SLC22A31: variants seen among roughly 807,000 people sequenced by gnomAD.
The protein encoded by SLC22A31 is putative solute carrier family 22 member 31.
SLC22A31 carries 42 observed loss-of-function variants against 27.4 expected under a neutral mutation model. That is an observed-to-expected ratio of 1.53 (90% CI 1.20 to 1.98). The LOEUF is 1.98. Among genes scored for constraint, SLC22A31 ranks in the 30% most tolerant of loss-of-function variants. The pLI, the probability that SLC22A31 is intolerant of heterozygous loss-of-function variation, is 0.00. For missense variants in SLC22A31, 593 were observed against 479.9 expected (o/e 1.24, Z -2.20); for synonymous variants, 290 against 230.8 (o/e 1.26, Z -2.33).
intron 5 of SLC22A31, 27 bp from the exon 6 acceptor site, chr16:89,198,577 G>T (rs528701444): frequency 8.6e-6 from 13 of 1,514,030 alleles, no homozygotes; most frequent in East Asian, 2.5e-5. Context: ...GTGAGGGGAG[G>T]GGGGTGAGGA....
chr16:89,199,934 G>A, intron 1 of SLC22A31, 118 bp from the exon 2 acceptor site: 1 of 399,626 alleles, frequency 2.5e-6, no homozygotes. Context: ...ATCCCTCCGT[G>A]GAGAGAAGGG....
chr16:89,200,409 G>A (rs890909625), intron 1 of SLC22A31, 69 bp downstream of exon 1: 12 of 152,784 alleles, frequency 7.9e-5, no homozygotes, highest in Non-Finnish European at 1.5e-4. Flanking sequence ...CGGTTCCTGG[G>A]TCTTCTTGGC....
intron 1 of SLC22A31, 115 bp from the exon 2 acceptor site, chr16:89,199,931 C>T (rs893897056): frequency 7.5e-6 from 3 of 399,752 alleles, no homozygotes; most frequent in Admixed American, 4.4e-5. Flanking sequence ...TCAATCCCTC[C>T]GTGGAGAGAA....
chr16:89,198,513 C>G lies in SLC22A31; in HGVS notation c.636G>C (p.Arg212=). The change falls in exon 6 of 9, where the codon CGG becomes CGC. Residue 212 remains arginine (R), a synonymous_variant. Coordinates refer to ENST00000682282, the MANE Select transcript of SLC22A31 (RefSeq NM_001384763.1). ...TMLSARSPQP[R]YHSPLGLLRT... ...GCAGAAGCCCCAGTGGGGAGTGGTA[C>G]CGGGGCTGGGGGCTCCGTGCAGACA... 5.9e-6 allele frequency: 9 copies of G among 1,513,334 alleles called. No homozygotes were observed. The highest frequency in any genetic ancestry group is 7.1e-6 in the Non-Finnish European group (8 of 1,133,810). The allele number at this position is 1,513,334 out of a possible 1,614,324, so 93.7% of individuals were successfully genotyped here.
rs12926888 is a variant in SLC22A31 at position 89,199,058 on chromosome 16, A to G, written c.417T>C (p.Gly139=). ...VQDWRLLQGL[G]ALMSGLLLLF... ...GCAGCAAGAGTCCACTCATCAGGGC[A>G]CCCAGCCCCTGCAGAAGACGCCAGT... Residue 139 remains glycine (G), a synonymous_variant, in exon 4 of 9, where the codon GGT becomes GGC. Transcript: ENST00000682282. The G allele has an allele frequency of 0.38, 576,069 of 1,535,232 alleles. 113,946 individuals carry two copies. The highest frequency in any genetic ancestry group is 0.82 in the East Asian group (33,477 of 40,862).
At chr16:89,196,366 ACCAGGCCCAGCCCGGCCCCC>A in intron 8 of SLC22A31, 61 bp from the exon 9 acceptor site, 1 of 1,001,916 alleles carries the variant, frequency 1.0e-6, no homozygotes, top group Non-Finnish European at 1.3e-6. Context: ...GGCCCCCAGC[ACCAGGCCCAGCCCGGCCCCC>A]CTGTGGGACA....
At position 89,195,764 on chromosome 16, in the gene SLC22A31, C is replaced by T. The variant is rs547233008; in HGVS notation, c.*235G>A. The T allele has an allele frequency of 3.7e-4, 172 of 460,594 alleles. No individual in the cohort carries two copies. The highest frequency in any genetic ancestry group is 1.4e-4 in the Non-Finnish European group (38 of 265,574). 28.5% of individuals were successfully genotyped at this position (460,594 alleles called of 1,614,324 possible). ...AAGAACCAGGGAGGACGCCAAGTTC[C>T]ACAGAAGCCTTTATCCTCCACACCT... On this transcript the variant is annotated 3_prime_UTR_variant, in exon 9 of 9. Transcript: ENST00000682282.
At chr16:89,196,338 C>A (rs1221179888) in intron 8 of SLC22A31, 33 bp from the exon 9 acceptor site, 6 of 923,364 alleles carry the variant, frequency 6.5e-6, no homozygotes, top group Non-Finnish European at 8.7e-6. Context: ...GGCAGCCAGC[C>A]TCCTGGCCCA....
upstream of SLC22A31, chr16:89,201,629 G>T (rs999125879): frequency 3.8e-5 from 15 of 397,956 alleles, no homozygotes; most frequent in Non-Finnish European, 5.8e-5. Flanking sequence ...GGCCAAAGCC[G>T]CCCGCAGCTC....
rs976180185 is a variant in SLC22A31 at position 89,197,985 on chromosome 16, C to T, written c.922+137G>A. 3.1e-5 allele frequency: 29 copies of T among 932,598 alleles called. No homozygotes were observed. In the Admixed American group the frequency reaches 7.9e-4, roughly 25 times the overall value. The allele number at this position is 932,598 out of a possible 1,614,324, so 57.8% of individuals were successfully genotyped here. ...ATCCTTTTGGGCCTTCCACAAGGAT[C>T]AGAGGAAAACAAACAGCAGCTGGCC... On this transcript the variant is annotated intron_variant, in intron 7 of 8. Transcript: ENST00000682282.
upstream of SLC22A31, among the ~76,000 whole-genome samples, chr16:89,200,929 G>A (rs1290127093): frequency 1.3e-5 from 2 of 152,216 alleles, no homozygotes; most frequent in Admixed American, 1.3e-4. Context: ...CCAAAGCCAC[G>A]GTCTGCTGAA....
Position 89,196,279 on chromosome 16 carries a change from C to A in SLC22A31, c.1061G>T (p.Gly354Val), listed in dbSNP as rs975792229. ...GGCTGCCTGGCCCAGGAACCCGGCC[C>A]CCAGCACCAGGCCCAGCCCGGCCCC... ...IRGAGLGLVL[G>V]AGFLGQAAGP... is the part of the protein sequence containing the mutation. The change falls in exon 9 of 9, where the codon GGG becomes GTG. Residue 354 changes from glycine to valine, a missense_variant. Transcript: ENST00000682282. 4.6e-6 allele frequency: 7 copies of A among 1,528,794 alleles called. No homozygotes were observed. Among genetic ancestry groups the A allele is most frequent in the Admixed American group, 2.0e-5 (1 of 50,548 alleles). 94.7% of individuals were successfully genotyped at this position (1,528,794 alleles called of 1,614,324 possible). A position where few individuals can be genotyped will look rare whatever the true frequency, so the allele number is the denominator to read the frequency against.
In SLC22A31 at chr16:89,195,913, G is replaced by T; in HGVS notation, c.*86C>A. On this transcript the variant is annotated 3_prime_UTR_variant, in exon 9 of 9. Coordinates refer to ENST00000682282, the MANE Select transcript of SLC22A31 (RefSeq NM_001384763.1). Reference sequence around the variant, plus strand: ...ACGGGCTTCTGAGAGGAATGTGTCTGCCCTGGACCAGACGTCTGGGGTACT... The same window carrying T: ...ACGGGCTTCTGAGAGGAATGTGTCTTCCCTGGACCAGACGTCTGGGGTACT... 3 of 1,371,336 alleles carry T rather than the reference G, an allele frequency of 2.2e-6. No homozygotes were observed. The highest frequency in any genetic ancestry group is 2.5e-5 in the East Asian group (1 of 39,260). 84.9% of individuals were successfully genotyped at this position (1,371,336 alleles called of 1,614,324 possible). A position where few individuals can be genotyped will look rare whatever the true frequency, so the allele number is the denominator to read the frequency against.
rs187423875 is a variant in SLC22A31 at position 89,196,986 on chromosome 16, G to A, written c.1034+312C>T. 5.0e-3 allele frequency among the ~76,000 whole-genome samples: 754 copies of A among 151,410 alleles called. 8 individuals are homozygous for A. The highest frequency in any genetic ancestry group is 0.012 in the Admixed American group (181 of 15,206). On this transcript the variant is annotated intron_variant, in intron 8 of 8. Transcript: ENST00000682282. ...AAGAAGAAGAAGATCGAAAAGTGAT[G>A]CTTTCCCCGAGAATTCTGCCATTTC...
chr16:89,198,813 G>C lies in SLC22A31; in HGVS notation c.453-16C>G. ...GGCCGGGAACCTGCAGCGTTGGTGA[G>C]GATGCCCACGGCTCCCTCCACCTCC... On this transcript the variant is annotated splice_polypyrimidine_tract_variant and intron_variant, in intron 4 of 8. Coordinates refer to ENST00000682282, the MANE Select transcript of SLC22A31 (RefSeq NM_001384763.1). The C allele has an allele frequency of 2.0e-6, 3 of 1,522,282 alleles. No individual in the cohort carries two copies. The highest frequency in any genetic ancestry group is 1.4e-5 in the African/African-American group (1 of 72,900). 94.3% of individuals were successfully genotyped at this position (1,522,282 alleles called of 1,614,324 possible). A position where few individuals can be genotyped will look rare whatever the true frequency, so the allele number is the denominator to read the frequency against.
intron 7 of SLC22A31, among the ~76,000 whole-genome samples, 187 bp from the exon 8 acceptor site, chr16:89,197,596 T>A (rs1290091996): frequency 6.6e-6 from 1 of 152,126 alleles, no homozygotes; most frequent in Admixed American, 6.5e-5. Context: ...CTGGCTTGGA[T>A]TCTAAGGATG....
intron 8 of SLC22A31, 109 bp downstream of exon 8, chr16:89,197,189 G>A (rs969635238): frequency 1.3e-6 from 1 of 791,504 alleles, no homozygotes; most frequent in Non-Finnish European, 2.0e-6. Context: ...AGGAATCACA[G>A]GCAGGAACCT....
chr16:89,195,824 C>A lies in SLC22A31; in HGVS notation c.*175G>T. 1 of 671,016 alleles carries A rather than the reference C, an allele frequency of 1.5e-6. No individual in the cohort carries two copies. The highest frequency in any genetic ancestry group is 2.3e-6 in the Non-Finnish European group (1 of 431,798). 41.6% of individuals were successfully genotyped at this position (671,016 alleles called of 1,614,324 possible). ...GGCTGGGGGGAGACCCAGGGCCTCC[C>A]AGTGCCTGGGGCCTGGCTGGAGACA... On this transcript the variant is annotated 3_prime_UTR_variant, in exon 9 of 9. Coordinates refer to ENST00000682282, the MANE Select transcript of SLC22A31 (RefSeq NM_001384763.1).
intron 8 of SLC22A31, among the ~76,000 whole-genome samples, chr16:89,196,807 G>A (rs916622780): frequency 4.6e-5 from 7 of 151,940 alleles, no homozygotes; most frequent in Admixed American, 3.3e-4. Context: ...TTAGTTGTGC[G>A]TGGTGGTGGG....
Sources: gnomAD v4.1 joint callset for allele counts (sites outside exome capture counted in the v4.1 genomes callset) on GRCh38, gnomAD v4.1.1 for gene constraint, MANE v1.5 for transcripts, NCBI Gene and HGNC (gene_info 2026-07-23, HGNC 2026-07-21) for gene names.